Variants in STN1 observed in about 807,000 individuals in gnomAD.
STN1 encodes CST complex subunit STN1.
STN1 carries 29 observed loss-of-function variants against 45.5 expected under a neutral mutation model. The ratio of observed to expected loss-of-function variants is 0.64; its 90% CI spans 0.47 to 0.87. STN1 has a LOEUF of 0.87. STN1 is among the 40% of genes least tolerant of loss of function. The pLI is 0.00. For synonymous variants in STN1, 148 were observed against 159.0 expected, an observed-to-expected ratio of 0.93 and a Z score of 0.52; for missense variants, 376 against 441.4, an observed-to-expected ratio of 0.85 and a Z score of 1.33.
intron 6 of STN1, among the ~76,000 whole-genome samples, 157 bp from the exon 7 acceptor site, chr10:103,897,876 T>C (rs1843181760): frequency 6.6e-6 from 1 of 152,192 alleles, no homozygotes; most frequent in Non-Finnish European, 1.5e-5. Context: ...CATGTGGTTG[T>C]TTAAAATGAT....
intron 9 of STN1, among the ~76,000 whole-genome samples, chr10:103,884,914 A>T (rs1264710324): frequency 1.3e-5 from 2 of 152,198 alleles, no homozygotes; most frequent in Admixed American, 1.3e-4. Flanking sequence ...GCTGGCATCT[A>T]TACTTCCAGG....
At position 103,898,914 on chromosome 10, in the gene STN1, A is replaced by C; in HGVS notation, c.544T>G (p.Phe182Val). ...TCTTTCTCTAGGGCTGAGCTGTGAAAAGGCTGGTCATAAACTTTCCTGTAG... is the reference window on the plus strand; with the variant it reads ...TCTTTCTCTAGGGCTGAGCTGTGAACAGGCTGGTCATAAACTTTCCTGTAG... ...TIYRKVYDQP[F>V]HSSALEKEEA... Residue 182 changes from phenylalanine (F) to valine (V), a missense_variant, in exon 6 of 10, where the codon TTT becomes GTT. Physicochemically the swap from Phe to Val is conservative, Grantham distance 50. Transcript: ENST00000224950. 6.2e-7 allele frequency: 1 copy of C among 1,614,038 alleles called. No homozygotes were observed. Among genetic ancestry groups the C allele is most frequent in the East Asian group, 2.2e-5 (1 of 44,886 alleles).
chr10:103,915,313 G>A (rs1843324076), intron 2 of STN1, among the ~76,000 whole-genome samples: 1 of 152,158 alleles, frequency 6.6e-6, no homozygotes, highest in South Asian at 2.1e-4. Flanking sequence ...GGGTCAGACT[G>A]ATATGATCTG....
At chr10:103,903,946 T>C (rs1297887778) in intron 4 of STN1, among the ~76,000 whole-genome samples, 1 of 152,214 alleles carries the variant, frequency 6.6e-6, no homozygotes, top group Non-Finnish European at 1.5e-5. Flanking sequence ...AATTAGGAAT[T>C]AGAATTCCAA....
intron 2 of STN1, among the ~76,000 whole-genome samples, chr10:103,911,255 C>A (rs1843289234): frequency 6.6e-6 from 1 of 152,094 alleles, no homozygotes; most frequent in Non-Finnish European, 1.5e-5. Context: ...CCCACTGATA[C>A]CCAGAGGCTT....
At chr10:103,914,370 A>ATTTTTT (rs1292355497) in intron 2 of STN1, among the ~76,000 whole-genome samples, 1 of 29,046 alleles carries the variant, frequency 3.4e-5, no homozygotes, top group African/African-American at 8.8e-5. Flanking sequence ...ATATATATAT[A>ATTTTTT]TATATTTTTT....
intron 7 of STN1, among the ~76,000 whole-genome samples, chr10:103,895,158 A>G (rs1385918954): frequency 6.6e-6 from 1 of 152,252 alleles, no homozygotes; most frequent in Non-Finnish European, 1.5e-5. Flanking sequence ...TTGATAGAAA[A>G]AAGAGTTTCC....
At chr10:103,912,613 C>G (rs1843299248) in intron 2 of STN1, among the ~76,000 whole-genome samples, 1 of 152,220 alleles carries the variant, frequency 6.6e-6, no homozygotes. Context: ...CACCACTCAG[C>G]CTTGGAGTGC....
intron 4 of STN1, among the ~76,000 whole-genome samples, chr10:103,903,913 T>C (rs1389028623): frequency 6.6e-6 from 1 of 152,204 alleles, no homozygotes; most frequent in Middle Eastern, 3.2e-3. Flanking sequence ...ACCAAAGCAA[T>C]GCCATTGATT....
intron 3 of STN1, among the ~76,000 whole-genome samples, chr10:103,905,370 C>T (rs1403759556): frequency 6.6e-6 from 1 of 152,146 alleles, no homozygotes; most frequent in African/African-American, 2.4e-5. Context: ...ATACACAAGC[C>T]CAGTGGGATA....
chr10:103,897,605 C>G lies in STN1; in HGVS notation c.696G>C (p.Val232=), dbSNP rs11191853. ...QSFYQQELEM[V]ESLLSLANQP... ...GATTGGCAAGGGACAGCAAAGACTC[C>G]ACCATTTCCAGCTCCTGCTGGTAAA... Residue 232 remains valine, a synonymous_variant, in exon 7 of 10, where the codon GTG becomes GTC. Coordinates refer to ENST00000224950, the MANE Select transcript of STN1 (RefSeq NM_024928.5). 0.22 allele frequency: 355,030 copies of G among 1,613,694 alleles called. 40,392 individuals are homozygous for G. The highest frequency in any genetic ancestry group is 0.23 in the Non-Finnish European group (271,909 of 1,179,712).
intron 9 of STN1, among the ~76,000 whole-genome samples, chr10:103,886,322 T>A (rs1843102801): frequency 6.6e-6 from 1 of 152,224 alleles, no homozygotes; most frequent in Admixed American, 6.5e-5. Context: ...AATTTCTGCA[T>A]GCTTAGCAAA....
intron 3 of STN1, among the ~76,000 whole-genome samples, chr10:103,905,721 G>A (rs983232327): frequency 6.6e-6 from 1 of 152,006 alleles, no homozygotes; most frequent in African/African-American, 2.4e-5. Flanking sequence ...CCACCGCAGG[G>A]GCTGTAAGGA....
chr10:103,891,926 C>T (rs1054107114), intron 8 of STN1, among the ~76,000 whole-genome samples: 5 of 151,988 alleles, frequency 3.3e-5, no homozygotes, highest in South Asian at 2.1e-4. Flanking sequence ...ATAAGTAGAC[C>T]CATGCAATTC....
intron 3 of STN1, among the ~76,000 whole-genome samples, chr10:103,905,577 G>A (rs984717583): frequency 6.6e-6 from 1 of 152,154 alleles, no homozygotes; most frequent in African/African-American, 2.4e-5. Context: ...GTGGAGTGTG[G>A]TTAGAGGCAC....
intron 2 of STN1, among the ~76,000 whole-genome samples, chr10:103,916,394 G>C (rs562495739): frequency 6.6e-6 from 1 of 152,214 alleles, no homozygotes; most frequent in Non-Finnish European, 1.5e-5. Context: ...TGTGGAGGAG[G>C]TTGGCTGCCT....
In STN1 at chr10:103,900,099, T is replaced by C. The variant is rs1159377534; in HGVS notation, c.420A>G (p.Thr140=). The change falls in exon 5 of 10, where the codon ACA becomes ACG. Residue 140 remains threonine, a synonymous_variant. Coordinates refer to ENST00000224950, the MANE Select transcript of STN1 (RefSeq NM_024928.5). The part of the protein sequence containing the change: ...DTIRVRGSIR[T]YREEREIHAT... ...CATGAATCTCTCGCTCTTCTCTGTA[T>C]GTGCGGATACTGCCTCTGACTCGGA... 4 of 1,614,216 alleles carry C rather than the reference T, an allele frequency of 2.5e-6. No homozygotes were observed. The highest frequency in any genetic ancestry group is 1.6e-4 in the Middle Eastern group (1 of 6,062).
intron 8 of STN1, among the ~76,000 whole-genome samples, chr10:103,890,748 ATCTC>A (rs1339408202): frequency 2.6e-5 from 4 of 152,222 alleles, no homozygotes; most frequent in Non-Finnish European, 5.9e-5. Flanking sequence ...AATTTCTAAA[ATCTC>A]TCTAAAGAGG....
intron 9 of STN1, among the ~76,000 whole-genome samples, chr10:103,888,257 G>A (rs760361904): frequency 3.3e-5 from 5 of 152,196 alleles, no homozygotes; most frequent in Non-Finnish European, 7.4e-5. Context: ...TGTATGGGCC[G>A]AAGGACTGGA....
Sources: allele counts gnomAD v4.1 joint callset (sites outside exome capture counted in the v4.1 genomes callset), GRCh38; gene constraint gnomAD v4.1.1; transcripts MANE v1.5; gene names NCBI Gene and HGNC (gene_info 2026-07-23, HGNC 2026-07-21).